Variants in KDM4C observed in about 807,000 individuals in gnomAD.
KDM4C encodes lysine-specific demethylase 4C.
In KDM4C, 81 loss-of-function variants were observed where a neutral mutation model predicts 129.3. That is an observed-to-expected ratio of 0.63 (90% confidence interval 0.52 to 0.75). The LOEUF is 0.75. Among genes scored for constraint, KDM4C ranks in the 30% least tolerant of loss-of-function variants. KDM4C has a pLI of 0.00. For synonymous variants in KDM4C, 573 were observed against 456.1 expected, an observed-to-expected ratio of 1.26 and a Z score of -3.26; for missense variants, 1,457 against 1,304.0, an observed-to-expected ratio of 1.12 and a Z score of -1.81.
intron 19 of KDM4C, among the ~76,000 whole-genome samples, chr9:7,139,197 C>A (rs760444359): frequency 1.3e-5 from 2 of 152,108 alleles, no homozygotes; most frequent in Non-Finnish European, 2.9e-5. Flanking sequence ...ATCACTTGAG[C>A]CTGGGAGGCC....
chr9:7,086,999 C>G (rs577452100), intron 17 of KDM4C, among the ~76,000 whole-genome samples: 48 of 152,152 alleles, frequency 3.2e-4, no homozygotes, highest in African/African-American at 1.1e-3. Context: ...TCTGGCATGC[C>G]AGATGCAAAA....
At chr9:7,014,735 A>T (rs548336468) in intron 14 of KDM4C, among the ~76,000 whole-genome samples, 26 of 152,254 alleles carry the variant, frequency 1.7e-4, no homozygotes, top group Admixed American at 1.6e-3. Context: ...GGTTTATAAT[A>T]TAGATATTAT....
chr9:7,161,207 G>T (rs953139747), intron 19 of KDM4C, among the ~76,000 whole-genome samples: 1 of 152,132 alleles, frequency 6.6e-6, no homozygotes, highest in Non-Finnish European at 1.5e-5. Flanking sequence ...TGGGGCAGGC[G>T]TGTCCCATTT....
intron 17 of KDM4C, among the ~76,000 whole-genome samples, chr9:7,064,646 G>C (rs901401613): frequency 6.6e-6 from 1 of 152,178 alleles, no homozygotes; most frequent in African/African-American, 2.4e-5. Flanking sequence ...AGGGTTTAGT[G>C]GGAGGAAGTA....
chr9:6,790,073 G>C (rs950307981), intron 1 of KDM4C, among the ~76,000 whole-genome samples: 16 of 147,062 alleles, frequency 1.1e-4, no homozygotes, highest in African/African-American at 4.0e-4. Flanking sequence ...TCAGGAGTTT[G>C]AGATCAGCCT....
chr9:6,741,676 C>CTTTTT (rs71315557), intron 1 of KDM4C, among the ~76,000 whole-genome samples: 1 of 94,072 alleles, frequency 1.1e-5, no homozygotes, highest in African/African-American at 4.2e-5. Context: ...GGTGGCAGCT[C>CTTTTT]TTTTTTTTTT....
At chr9:7,150,637 G>A (rs1564180960) in intron 19 of KDM4C, among the ~76,000 whole-genome samples, 1 of 152,154 alleles carries the variant, frequency 6.6e-6, no homozygotes, top group African/African-American at 2.4e-5. Flanking sequence ...TTACCAGTGG[G>A]TTAGAACTGC....
intron 1 of KDM4C, among the ~76,000 whole-genome samples, chr9:6,742,012 A>T (rs1817715891): frequency 6.7e-6 from 1 of 148,738 alleles, no homozygotes; most frequent in African/African-American, 2.6e-5. Flanking sequence ...TTGCTCTGTC[A>T]CCCAGGCTGA....
At chr9:6,882,772 T>TTGTGTGTGTGTG (rs3072026) in intron 6 of KDM4C, among the ~76,000 whole-genome samples, 8 of 149,642 alleles carry the variant, frequency 5.3e-5, no homozygotes, top group Admixed American at 2.0e-4. Flanking sequence ...TTTTAAGCAT[T>TTGTGTGTGTGTG]TGTGTGTGTG....
intron 1 of KDM4C, among the ~76,000 whole-genome samples, chr9:6,729,685 T>A (rs1817258226): frequency 7.4e-6 from 1 of 135,066 alleles, no homozygotes; most frequent in Non-Finnish European, 1.5e-5. Flanking sequence ...AAAAACTGAT[T>A]TTAGTTGCTA....
chr9:6,789,645 T>A (rs959311244), intron 1 of KDM4C, among the ~76,000 whole-genome samples: 1 of 151,686 alleles, frequency 6.6e-6, no homozygotes, highest in Non-Finnish European at 1.5e-5. Context: ...GGATTACAGG[T>A]GTGAGCCACC....
intron 5 of KDM4C, among the ~76,000 whole-genome samples, chr9:6,858,851 T>C (rs1840408244): frequency 6.9e-6 from 1 of 144,608 alleles, no homozygotes; most frequent in Non-Finnish European, 1.5e-5. Flanking sequence ...TTGGTATCTC[T>C]TTTTTTTTTT....
intron 3 of KDM4C, among the ~76,000 whole-genome samples, chr9:6,813,902 TTTATA>T (rs1309094186): frequency 6.6e-6 from 1 of 152,188 alleles, no homozygotes; most frequent in Non-Finnish European, 1.5e-5. Context: ...GCTATCTTGT[TTTATA>T]TTCTGTATTT....
chr9:6,935,257 T>C (rs1163822225), intron 8 of KDM4C, among the ~76,000 whole-genome samples: 1 of 152,190 alleles, frequency 6.6e-6, no homozygotes, highest in African/African-American at 2.4e-5. Context: ...CCTTGGCATG[T>C]TCGTAAAATT....
At chr9:6,904,938 G>A (rs1344150797) in intron 8 of KDM4C, among the ~76,000 whole-genome samples, 7 of 152,038 alleles carry the variant, frequency 4.6e-5, no homozygotes, top group African/African-American at 1.4e-4. Context: ...GCCTAGGCAA[G>A]GAGGGCTACA....
At chr9:7,063,907 G>A (rs1262423714) in intron 17 of KDM4C, among the ~76,000 whole-genome samples, 3 of 152,204 alleles carry the variant, frequency 2.0e-5, no homozygotes, top group African/African-American at 7.2e-5. Flanking sequence ...GAAGCATGAA[G>A]AGGGAGCTCT....
chr9:7,129,813 A>G (rs1170801760), intron 19 of KDM4C, among the ~76,000 whole-genome samples: 3 of 152,228 alleles, frequency 2.0e-5, no homozygotes, highest in Non-Finnish European at 4.4e-5. Flanking sequence ...AACTGGAACC[A>G]TGAACTCAGT....
At chr9:7,064,566 A>G (rs543524646) in intron 17 of KDM4C, among the ~76,000 whole-genome samples, 6 of 152,308 alleles carry the variant, frequency 3.9e-5, no homozygotes, top group South Asian at 2.1e-4. Context: ...AATAAAGCCA[A>G]GGTCCTGGCA....
intron 1 of KDM4C, among the ~76,000 whole-genome samples, chr9:6,761,690 T>C (rs1819539453): frequency 6.6e-6 from 1 of 152,238 alleles, no homozygotes; most frequent in Admixed American, 6.5e-5. Flanking sequence ...ACTTATTTGC[T>C]CTATATTTAG....
Sources: gnomAD v4.1 joint callset for allele counts (sites outside exome capture counted in the v4.1 genomes callset) on GRCh38, gnomAD v4.1.1 for gene constraint, MANE v1.5 for transcripts, NCBI Gene and HGNC (gene_info 2026-07-23, HGNC 2026-07-21) for gene names.